The following CRISPLD2 variants were observed in gnomAD, a reference collection of about 807,000 sequenced individuals.
CRISPLD2 encodes the protein cysteine rich secretory protein LCCL domain containing 2.
Under a neutral mutation model 71.1 loss-of-function variants are expected in CRISPLD2, and 47 were observed. The observed-to-expected ratio is 0.66, with a 90% CI of 0.52 to 0.84. The LOEUF is 0.84. Among genes scored for constraint, CRISPLD2 ranks in the 40% least tolerant of loss-of-function variants. The pLI, the probability that CRISPLD2 is intolerant of heterozygous loss-of-function variation, is 0.00. For missense variants in CRISPLD2, 830 were observed against 651.1 expected, an observed-to-expected ratio of 1.27 and a Z score of -2.99; for synonymous variants, 317 against 250.1, an observed-to-expected ratio of 1.27 and a Z score of -2.52.
chr16:84,869,318 G>T (rs984629307), intron 8 of CRISPLD2, among the ~76,000 whole-genome samples: 7 of 152,236 alleles, frequency 4.6e-5, no homozygotes, highest in African/African-American at 1.7e-4. Flanking sequence ...AACAGGTGCA[G>T]CCGCCGCACG....
intron 6 of CRISPLD2, among the ~76,000 whole-genome samples, chr16:84,862,477 C>T (rs758656775): frequency 1.2e-4 from 18 of 152,118 alleles, no homozygotes; most frequent in Non-Finnish European, 2.4e-4. Context: ...TACAGGCGTG[C>T]ACCATCATGC....
intron 14 of CRISPLD2, among the ~76,000 whole-genome samples, chr16:84,898,744 C>T (rs1014404019): frequency 1.3e-5 from 2 of 152,240 alleles, no homozygotes; most frequent in Non-Finnish European, 2.9e-5. Context: ...GCACTTGGCA[C>T]ATAGCAGGTG....
At chr16:84,852,698 A>G (rs867920059) in intron 5 of CRISPLD2, among the ~76,000 whole-genome samples, 5 of 151,436 alleles carry the variant, frequency 3.3e-5, no homozygotes, top group South Asian at 2.1e-4. Flanking sequence ...GGGATTCCCA[A>G]CCCGACAAGG....
chr16:84,900,325 G>C (rs1239290557), intron 14 of CRISPLD2, among the ~76,000 whole-genome samples: 1 of 152,162 alleles, frequency 6.6e-6, no homozygotes, highest in African/African-American at 2.4e-5. Flanking sequence ...GAGAGGGCCG[G>C]GGTCTCCTGG....
At chr16:84,886,947 C>A (rs774207) in intron 13 of CRISPLD2, among the ~76,000 whole-genome samples, 3 of 152,070 alleles carry the variant, frequency 2.0e-5, no homozygotes, top group African/African-American at 7.2e-5. Context: ...ATCTGAAACC[C>A]TGTACCCACT....
At chr16:84,874,639 T>G (rs1597472332) in intron 11 of CRISPLD2, among the ~76,000 whole-genome samples, 1 of 152,214 alleles carries the variant, frequency 6.6e-6, no homozygotes, top group East Asian at 1.9e-4. Context: ...GGACAGCAAC[T>G]CTTATCATTT....
At chr16:84,901,239 T>C (rs12599328) in intron 14 of CRISPLD2, among the ~76,000 whole-genome samples, 57,958 of 151,956 alleles carry the variant, frequency 0.38, 12,059 homozygotes, top group South Asian at 0.52. Context: ...TGGCAGTATG[T>C]ATATAATATT....
At chr16:84,894,539 C>A (rs2071689482) in intron 14 of CRISPLD2, among the ~76,000 whole-genome samples, 1 of 152,092 alleles carries the variant, frequency 6.6e-6, no homozygotes, top group South Asian at 2.1e-4. Context: ...GAGAAAAATC[C>A]CTGTCCTCAT....
At chr16:84,884,213 T>C (rs1441577641) in intron 13 of CRISPLD2, among the ~76,000 whole-genome samples, 1 of 152,196 alleles carries the variant, frequency 6.6e-6, no homozygotes, top group Non-Finnish European at 1.5e-5. Context: ...AGTGGACAGA[T>C]TGCTGGCTCC....
At chr16:84,886,675 T>G (rs2071616432) in intron 13 of CRISPLD2, among the ~76,000 whole-genome samples, 1 of 152,080 alleles carries the variant, frequency 6.6e-6, no homozygotes, top group Admixed American at 6.5e-5. Flanking sequence ...ATGGAAAAAT[T>G]AGTCAGGCGT....
chr16:84,860,791 T>A (rs1917358342), intron 6 of CRISPLD2, among the ~76,000 whole-genome samples: 1 of 152,240 alleles, frequency 6.6e-6, no homozygotes, highest in African/African-American at 2.4e-5. Context: ...GCACCTTCAT[T>A]GCAGGTCAGC....
At position 84,889,334 on chromosome 16, in the gene CRISPLD2, C is replaced by T. The variant is rs773505675; in HGVS notation, c.1410C>T (p.Gly470=). The T allele has an allele frequency of 4.3e-6, 7 of 1,613,732 alleles. No homozygotes were observed. The highest frequency in any genetic ancestry group is 1.7e-6 in the Non-Finnish European group (2 of 1,179,848). The change falls in exon 14 of 15, where the codon GGC becomes GGT. Residue 470 remains glycine, a synonymous_variant. Transcript: ENST00000262424. ...TGGATAAAAAGAAGACCTACGTGGG[C>T]TCGCTCAGGAATGGAGTTCAGTCTG... ...MPVDKKKTYV[G]SLRNGVQSES...
chr16:84,897,771 C>T (rs922983707), intron 14 of CRISPLD2, among the ~76,000 whole-genome samples: 12 of 152,158 alleles, frequency 7.9e-5, no homozygotes, highest in Non-Finnish European at 8.8e-5. Flanking sequence ...CACCCACTGC[C>T]AGGCCCGGCT....
intron 1 of CRISPLD2, among the ~76,000 whole-genome samples, chr16:84,830,908 T>A (rs1916472525): frequency 6.6e-6 from 1 of 152,296 alleles, no homozygotes; most frequent in East Asian, 1.9e-4. Flanking sequence ...GACTTCACAC[T>A]GGTTGCTTGA....
At position 84,825,640 on chromosome 16, in the gene CRISPLD2, C is replaced by T. The variant is rs1916333737; in HGVS notation, c.-75+5507C>T. 3.3e-5 allele frequency among the ~76,000 whole-genome samples: 5 copies of T among 152,164 alleles called. 1 individual carries two copies. In the South Asian group the frequency reaches 1.0e-3, roughly 32 times the overall value. The stretch of plus-strand genomic sequence containing the variant: ...GCGTGGTGGTGCACGCCTGTAATCC[C>T]AGCTACTTGGGAGGCTGAGGGAGGA... On this transcript the variant is annotated intron_variant, in intron 1 of 14. Coordinates refer to ENST00000262424, the MANE Select transcript of CRISPLD2 (RefSeq NM_031476.4).
rs193060391 is a variant in CRISPLD2, at chr16:84,869,835, G to A, written c.914+924G>A. ...CATCTTTCTGAATGCTAAGCACATT[G>A]CGATAGCATCACCCCTGAGTAGTAC... On this transcript the variant is annotated intron_variant, in intron 8 of 14. Transcript: ENST00000262424. Among the ~76,000 whole-genome samples, 323 of 152,370 alleles carry A rather than the reference G, an allele frequency of 2.1e-3. 1 individual carries two copies. Among genetic ancestry groups the A allele is most frequent in the Non-Finnish European group, 3.9e-3 (263 of 68,038 alleles).
chr16:84,900,952 A>G (rs766558261), intron 14 of CRISPLD2, among the ~76,000 whole-genome samples: 5 of 150,168 alleles, frequency 3.3e-5, no homozygotes, highest in Non-Finnish European at 7.4e-5. Context: ...GGTGAGGCTG[A>G]GGTGGGAGTA....
At chr16:84,872,858 G>C in intron 9 of CRISPLD2, 134 bp from the exon 10 acceptor site, 2 of 1,132,144 alleles carry the variant, frequency 1.8e-6, no homozygotes, top group Non-Finnish European at 2.5e-6. Flanking sequence ...AGAGGCGAGA[G>C]GCAGGAGCAG....
At chr16:84,860,040 T>A (rs949643356) in intron 6 of CRISPLD2, among the ~76,000 whole-genome samples, 2 of 151,584 alleles carry the variant, frequency 1.3e-5, no homozygotes, top group African/African-American at 4.9e-5. Context: ...AATGAGTAGG[T>A]CCAAAATGAC....
Sources: allele counts gnomAD v4.1 joint callset (sites outside exome capture counted in the v4.1 genomes callset), GRCh38; gene constraint gnomAD v4.1.1; transcripts MANE v1.5; gene names NCBI Gene and HGNC (gene_info 2026-07-23, HGNC 2026-07-21).